CDK1: variants seen among roughly 807,000 people sequenced by gnomAD.
CDK1 encodes the protein cyclin-dependent kinase 1.
CDK1 carries 5 observed loss-of-function variants against 34.6 expected under a neutral mutation model. The ratio of observed to expected loss-of-function variants is 0.14; its 90% CI spans 0.08 to 0.30. The LOEUF (loss-of-function observed/expected upper bound fraction) is 0.30, where lower values mean the gene tolerates loss of function less well. Among genes scored for constraint, CDK1 ranks in the 10% least tolerant of loss-of-function variants. The pLI is 1.00. For missense variants in CDK1, 157 were observed against 345.7 expected (o/e 0.45, Z 4.33); for synonymous variants, 108 against 114.7 (o/e 0.94, Z 0.37).
In CDK1 at chr10:60,786,838, C is replaced by T. The variant is rs1006105990; in HGVS notation, c.318+1051C>T. On this transcript the variant is annotated intron_variant, in intron 4 of 7. Coordinates refer to ENST00000395284, the MANE Select transcript of CDK1 (RefSeq NM_001786.5). ...AGCTATTATAAACCGCCTATATTTT[C>T]GTTAGGATACGTTCTTTAACAATCT... is the stretch of plus-strand genomic sequence containing the variant. 13 of 956,820 alleles carry T rather than the reference C, an allele frequency of 1.4e-5. No individual in the cohort carries two copies. The East Asian group carries it at 3.4e-4, about 25-fold the overall frequency. The allele number at this position is 956,820 out of a possible 1,614,324, so 59.3% of individuals were successfully genotyped here.
At chr10:60,783,118 C>A (rs1417781368) in intron 2 of CDK1, among the ~76,000 whole-genome samples, 2 of 152,070 alleles carry the variant, frequency 1.3e-5, no homozygotes, top group Admixed American at 6.5e-5. Flanking sequence ...GGTTTACCTA[C>A]TTTTTGTGTT....
In CDK1 at chr10:60,788,084, G is replaced by T; in HGVS notation, c.343G>T (p.Gly115Trp). 6.4e-7 allele frequency: 1 copy of T among 1,557,200 alleles called. No homozygotes were observed. Among genetic ancestry groups the T allele is most frequent in the South Asian group, 1.3e-5 (1 of 78,992 alleles). ...VKSYLYQILQGIVFCHSRRVL... is the reference protein window; with the variant it reads ...VKSYLYQILQWIVFCHSRRVL... ...GAGTTATTTATACCAAATCCTACAG[G>T]GGATTGTGTTTTGTCACTCTAGAAG... Residue 115 changes from glycine to tryptophan, a missense_variant, in exon 5 of 8, where the codon GGG becomes TGG. This residue lies in a region of CDK1 where 102 missense variants were observed against 233.6 expected (regional missense o/e 0.44). Coordinates refer to ENST00000395284, the MANE Select transcript of CDK1 (RefSeq NM_001786.5).
intron 5 of CDK1, among the ~76,000 whole-genome samples, chr10:60,789,297 G>T (rs185720696): frequency 5.3e-5 from 8 of 152,128 alleles, no homozygotes; most frequent in Admixed American, 5.2e-4. Context: ...TAAATTATTG[G>T]TAACTGTAGT....
At chr10:60,792,699 T>C (rs925396087) in intron 7 of CDK1, among the ~76,000 whole-genome samples, 2 of 152,142 alleles carry the variant, frequency 1.3e-5, no homozygotes, top group African/African-American at 2.4e-5. Context: ...ATTCGCACTT[T>C]GTACCTAGTT....
intron 2 of CDK1, among the ~76,000 whole-genome samples, chr10:60,782,510 G>A (rs140946397): frequency 4.6e-5 from 7 of 152,280 alleles, no homozygotes; most frequent in Non-Finnish European, 8.8e-5. Context: ...GGATCATAGA[G>A]TAGCAGTATC....
At chr10:60,789,955 T>C (rs2080347693) in intron 5 of CDK1, among the ~76,000 whole-genome samples, 1 of 152,204 alleles carries the variant, frequency 6.6e-6, no homozygotes, top group South Asian at 2.1e-4. Context: ...CTGGGTGTGA[T>C]AGCTCATTGT....
chr10:60,784,894 C>A (rs767666665), intron 3 of CDK1, 33 bp downstream of exon 3: 1 of 1,566,942 alleles, frequency 6.4e-7, no homozygotes, highest in South Asian at 1.1e-5. Context: ...AAGCCATTTT[C>A]TGCATGCTAT....
intron 1 of CDK1, 72 bp from the exon 2 acceptor site, chr10:60,780,069 T>G: frequency 1.3e-6 from 1 of 749,918 alleles, no homozygotes; most frequent in South Asian, 1.5e-5. Context: ...GCTTTACATA[T>G]AGTGTTTCAT....
intron 1 of CDK1, among the ~76,000 whole-genome samples, chr10:60,779,780 TAA>T (rs1554821794): frequency 1.8e-3 from 271 of 152,306 alleles, no homozygotes; most frequent in Admixed American, 3.5e-3. Context: ...TATTTGGGTA[TAA>T]CTTTGGCACA....
At chr10:60,792,498 T>C (rs1185590991) in intron 7 of CDK1, among the ~76,000 whole-genome samples, 1 of 152,054 alleles carries the variant, frequency 6.6e-6, no homozygotes, top group Non-Finnish European at 1.5e-5. Flanking sequence ...GTTTTTTATC[T>C]GACAGGTAGC....
intron 7 of CDK1, among the ~76,000 whole-genome samples, 176 bp from the exon 8 acceptor site, chr10:60,793,701 G>C (rs1417626789): frequency 6.6e-6 from 1 of 152,018 alleles, no homozygotes; most frequent in African/African-American, 2.4e-5. Context: ...GACCTCAAGA[G>C]TGAAATGTAG....
At chr10:60,783,110 T>G (rs1159057188) in intron 2 of CDK1, among the ~76,000 whole-genome samples, 1 of 152,156 alleles carries the variant, frequency 6.6e-6, no homozygotes, top group Non-Finnish European at 1.5e-5. Context: ...GTGCTACTGG[T>G]TTACCTACTT....
rs1343096015 is a variant in CDK1 at position 60,794,327 on chromosome 10, CAA to C, written c.*353_*354del. Reference sequence around the variant, plus strand: ...CTAAAATTTAGGAAAATGCTAAGTTCAAGTTTCGTAATGCTTTGAAGTATTTT... The same window carrying C: ...CTAAAATTTAGGAAAATGCTAAGTTCGTTTCGTAATGCTTTGAAGTATTTT... On this transcript the variant is annotated 3_prime_UTR_variant, in exon 8 of 8. Transcript: ENST00000395284. The C allele has an allele frequency of 5.0e-5, 8 of 161,152 alleles. No homozygotes were observed. The highest frequency in any genetic ancestry group is 1.1e-4 in the Non-Finnish European group (8 of 74,390). The allele number at this position is 161,152 out of a possible 1,614,324, so 10.0% of individuals were successfully genotyped here.
chr10:60,782,999 GA>G (rs1177113617), intron 2 of CDK1, among the ~76,000 whole-genome samples: 2 of 152,002 alleles, frequency 1.3e-5, no homozygotes, highest in East Asian at 3.9e-4. Context: ...AAGGATGCTA[GA>G]AAAAAAATTA....
intron 7 of CDK1, among the ~76,000 whole-genome samples, chr10:60,793,305 T>TTTTAGTA (rs1163355245): frequency 2.6e-5 from 4 of 152,128 alleles, no homozygotes; most frequent in African/African-American, 9.7e-5. Context: ...TTTTATTTTA[T>TTTTAGTA]TTTAGTATTT....
At chr10:60,779,110 C>G (rs979195045) in intron 1 of CDK1, among the ~76,000 whole-genome samples, 8 of 152,182 alleles carry the variant, frequency 5.3e-5, no homozygotes, top group Non-Finnish European at 7.3e-5. Flanking sequence ...CCCCGGCCCA[C>G]CTGGAGCTGT....
intron 2 of CDK1, among the ~76,000 whole-genome samples, chr10:60,784,421 C>T (rs3213045): frequency 0.3 from 45,001 of 151,894 alleles, 6,802 homozygotes; most frequent in Middle Eastern, 0.33. Context: ...CTTGAGCTCA[C>T]GAGTTCCAGA....
intron 2 of CDK1, among the ~76,000 whole-genome samples, chr10:60,781,650 T>C (rs1405224960): frequency 1.3e-5 from 2 of 152,232 alleles, no homozygotes; most frequent in South Asian, 2.1e-4. Context: ...AACTCTTAAT[T>C]TGGATTTCTT....
chr10:60,791,997 T>C lies in CDK1; in HGVS notation c.597T>C (p.Thr199=), dbSNP rs746336162. The part of the protein sequence containing the change: ...SIGTIFAELA[T]KKPLFHGDSE... ...GCACCATATTTGCTGAACTAGCAAC[T>C]AAGAAACCACTTTTCCATGGGGATT... The change falls in exon 6 of 8, where the codon ACT becomes ACC. Residue 199 remains threonine, a synonymous_variant. Transcript: ENST00000395284. The C allele has an allele frequency of 6.2e-6, 10 of 1,613,248 alleles. No homozygotes were observed. The South Asian group carries it at 8.8e-5, about 14-fold the overall frequency.
Sources: gnomAD v4.1 joint callset for allele counts (sites outside exome capture counted in the v4.1 genomes callset) on GRCh38, gnomAD v4.1.1 for gene constraint, gnomAD v4.1.1 regional missense constraint, MANE v1.5 for transcripts, NCBI Gene and HGNC (gene_info 2026-07-23, HGNC 2026-07-21) for gene names.